Variants in NSMCE2 observed in about 807,000 individuals in gnomAD.
NSMCE2 encodes the protein NSE2 SUMO ligase component of SMC5/6 complex.
NSMCE2 carries 24 observed loss-of-function variants against 23.8 expected under a neutral mutation model. That is an observed-to-expected ratio of 1.01 (90% CI 0.73 to 1.42). The LOEUF is 1.42. Among genes scored for constraint, NSMCE2 ranks in the 40% most tolerant of loss-of-function variants. The probability of loss-of-function intolerance (pLI) is 0.00; values close to 1 mark genes in which losing one functional copy is unlikely to be tolerated. For synonymous variants in NSMCE2, 92 were observed against 94.1 expected, an observed-to-expected ratio of 0.98 and a Z score of 0.13; for missense variants, 284 against 296.5, an observed-to-expected ratio of 0.96 and a Z score of 0.31.
At chr8:125,116,609 T>C (rs1193720275) in intron 3 of NSMCE2, among the ~76,000 whole-genome samples, 4 of 152,110 alleles carry the variant, frequency 2.6e-5, no homozygotes, top group Non-Finnish European at 4.4e-5. Context: ...TGGGAGTGTC[T>C]GTGTTTTGAA....
chr8:125,308,997 C>G (rs561370366), intron 5 of NSMCE2, among the ~76,000 whole-genome samples: 2 of 152,296 alleles, frequency 1.3e-5, no homozygotes, highest in African/African-American at 4.8e-5. Context: ...GTAATCCCAG[C>G]ACTTTGGGAG....
intron 5 of NSMCE2, among the ~76,000 whole-genome samples, chr8:125,320,247 G>GGGAGGGAGGGAGGGAGGGAGGGAA (rs1829383374): frequency 2.2e-5 from 1 of 44,650 alleles, no homozygotes; most frequent in African/African-American, 8.9e-5. Flanking sequence ...GAGGGAGGGA[G>GGGAGGGAGGGAGGGAGGGAGGGAA]GGAGGGAAGG....
chr8:125,146,123 T>C (rs186549431), intron 3 of NSMCE2, among the ~76,000 whole-genome samples: 5 of 152,326 alleles, frequency 3.3e-5, no homozygotes, highest in Admixed American at 1.3e-4. Flanking sequence ...CTTGGAAGTG[T>C]TGTTTTATGC....
At chr8:125,300,158 G>A (rs1203671003) in intron 5 of NSMCE2, among the ~76,000 whole-genome samples, 4 of 151,220 alleles carry the variant, frequency 2.6e-5, no homozygotes, top group African/African-American at 4.9e-5. Flanking sequence ...GTCACTTCAA[G>A]GGCTGTGCCT....
intron 5 of NSMCE2, among the ~76,000 whole-genome samples, chr8:125,328,955 T>C (rs1043415461): frequency 2.0e-5 from 3 of 152,168 alleles, no homozygotes; most frequent in Non-Finnish European, 4.4e-5. Flanking sequence ...CTTGGCTGCC[T>C]GCATGAGGCC....
rs1477255360 is a variant in NSMCE2, at chr8:125,353,452, T to C, written c.419-3767T>C. ...TCAGTGGATTGATAAAGGGACTCTC[T>C]TAGGAGTCTAACTCTTGCACTATGA... is the stretch of plus-strand genomic sequence containing the variant. On this transcript the variant is annotated intron_variant, in intron 5 of 7. Transcript: ENST00000287437. 4.6e-5 allele frequency among the ~76,000 whole-genome samples: 7 copies of C among 152,132 alleles called. 1 individual carries two copies. The East Asian group carries it at 1.3e-3, about 29-fold the overall frequency.
At chr8:125,129,133 T>C (rs928327741) in intron 3 of NSMCE2, among the ~76,000 whole-genome samples, 4 of 152,094 alleles carry the variant, frequency 2.6e-5, no homozygotes, top group Admixed American at 6.6e-5. Flanking sequence ...TACATGAAAA[T>C]TGAAGCCATA....
At chr8:125,308,333 A>G (rs1475094244) in intron 5 of NSMCE2, among the ~76,000 whole-genome samples, 1 of 152,168 alleles carries the variant, frequency 6.6e-6, no homozygotes, top group Non-Finnish European at 1.5e-5. Context: ...AAAAAATCCT[A>G]AGTAAAACCT....
chr8:125,233,264 A>G (rs1003271166), intron 5 of NSMCE2, among the ~76,000 whole-genome samples: 1 of 152,242 alleles, frequency 6.6e-6, no homozygotes, highest in African/African-American at 2.4e-5. Flanking sequence ...TTAGAAGTCA[A>G]AATCCACTTA....
intron 5 of NSMCE2, among the ~76,000 whole-genome samples, chr8:125,320,441 A>T (rs1327525092): frequency 6.6e-6 from 1 of 152,160 alleles, no homozygotes; most frequent in African/African-American, 2.4e-5. Flanking sequence ...AAGGGATCTT[A>T]CGATCAAATT....
intron 5 of NSMCE2, among the ~76,000 whole-genome samples, chr8:125,293,196 G>A (rs567864916): frequency 1.2e-4 from 18 of 152,230 alleles, no homozygotes; most frequent in African/African-American, 3.9e-4. Context: ...ACTCATGTCC[G>A]GGAAATAGGA....
At chr8:125,150,471 T>A (rs1384843740) in intron 3 of NSMCE2, among the ~76,000 whole-genome samples, 2 of 143,898 alleles carry the variant, frequency 1.4e-5, no homozygotes, top group African/African-American at 2.6e-5. Context: ...TCTCACTCTG[T>A]TGCCCAGGCT....
intron 5 of NSMCE2, among the ~76,000 whole-genome samples, chr8:125,350,640 G>A (rs1254923486): frequency 6.6e-6 from 1 of 152,224 alleles, no homozygotes; most frequent in African/African-American, 2.4e-5. Flanking sequence ...ATGCTGGCAG[G>A]CAAAGAGAGA....
At chr8:125,326,135 T>G (rs1829656060) in intron 5 of NSMCE2, among the ~76,000 whole-genome samples, 2 of 151,570 alleles carry the variant, frequency 1.3e-5, no homozygotes, top group South Asian at 4.2e-4. Context: ...CAGGCGCCTG[T>G]AGTCCCAGCT....
intron 5 of NSMCE2, among the ~76,000 whole-genome samples, chr8:125,196,693 T>G (rs1287992036): frequency 6.6e-6 from 1 of 152,226 alleles, no homozygotes; most frequent in Non-Finnish European, 1.5e-5. Context: ...GTAGCATGAT[T>G]TATAATCCTT....
chr8:125,340,021 T>TTG (rs1563794290), intron 5 of NSMCE2, among the ~76,000 whole-genome samples: 3 of 143,738 alleles, frequency 2.1e-5, no homozygotes, highest in Non-Finnish European at 3.0e-5. Flanking sequence ...TGTTTTTTTT[T>TTG]TTTTTTTTTT....
chr8:125,149,457 A>C (rs950379789), intron 3 of NSMCE2, among the ~76,000 whole-genome samples: 3 of 152,178 alleles, frequency 2.0e-5, no homozygotes, highest in African/African-American at 7.2e-5. Context: ...ATATGAATGG[A>C]GAGTCTTTGA....
At chr8:125,233,107 C>T (rs1210382628) in intron 5 of NSMCE2, among the ~76,000 whole-genome samples, 1 of 152,148 alleles carries the variant, frequency 6.6e-6, no homozygotes, top group Non-Finnish European at 1.5e-5. Flanking sequence ...TTGAAGCTTG[C>T]CCAGTTTTTG....
intron 1 of NSMCE2, among the ~76,000 whole-genome samples, 169 bp downstream of exon 1, chr8:125,092,127 G>T (rs914563105): frequency 6.6e-6 from 1 of 152,148 alleles, no homozygotes; most frequent in African/African-American, 2.4e-5. Context: ...TGTCCGAGAC[G>T]CCATCTCTCC....
Sources: allele counts gnomAD v4.1 joint callset (sites outside exome capture counted in the v4.1 genomes callset), GRCh38; gene constraint gnomAD v4.1.1; transcripts MANE v1.5; gene names NCBI Gene and HGNC (gene_info 2026-07-23, HGNC 2026-07-21).